Variants in CFHR3 observed in about 807,000 individuals in gnomAD.
CFHR3 encodes complement factor H related 3, also known as complement factor H-related protein 3.
A neutral mutation model predicts 36.0 loss-of-function variants in CFHR3; 22 were observed. The ratio of observed to expected loss-of-function variants is 0.61; its 90% CI spans 0.44 to 0.87. The LOEUF (loss-of-function observed/expected upper bound fraction) is 0.87, where lower values mean the gene tolerates loss of function less well. Among genes scored for constraint, CFHR3 ranks in the 40% least tolerant of loss-of-function variants. The pLI is 0.00. For missense variants in CFHR3, 276 were observed against 401.3 expected, an observed-to-expected ratio of 0.69 and a Z score of 2.67; for synonymous variants, 97 against 137.4, an observed-to-expected ratio of 0.71 and a Z score of 2.06.
intron 5 of CFHR3, among the ~76,000 whole-genome samples, chr1:196,792,937 A>C (rs539045213): frequency 7.3e-6 from 1 of 136,344 alleles, no homozygotes; most frequent in Admixed American, 7.1e-5. Flanking sequence ...GAGTGCTTGT[A>C]GTCACGGCTT....
chr1:196,787,125 A>G (rs1654237999), intron 3 of CFHR3, among the ~76,000 whole-genome samples: 1 of 137,448 alleles, frequency 7.3e-6, no homozygotes, highest in South Asian at 2.5e-4. Flanking sequence ...TTATGGAATA[A>G]TTGAGACGAA....
In CFHR3 at chr1:196,782,214, T is replaced by G. The variant is rs1429455629; in HGVS notation, c.430+2241T>G. On this transcript the variant is annotated intron_variant, in intron 3 of 5. Transcript: ENST00000367425. ...TGTTTTGGTTACTGTAGCCTTGTAG[T>G]ATAGTTTGAAGTCACGTAGTGTGAT... is the stretch of plus-strand genomic sequence containing the variant. 3.6e-5 allele frequency among the ~76,000 whole-genome samples: 5 copies of G among 137,078 alleles called. 1 individual carries two copies. In the East Asian group the frequency reaches 9.8e-4, roughly 27 times the overall value. The allele number at this position is 137,078 out of a possible 152,430, so 89.9% of individuals were successfully genotyped here.
chr1:196,791,168 C>T lies in CFHR3; in HGVS notation c.796+941C>T, dbSNP rs1484320437. ...CGAAACTTCAGCCATTTCCATAACC[C>T]ATTGCTTTTCCATTTTTACCTTATT... On this transcript the variant is annotated intron_variant, in intron 5 of 5. Transcript: ENST00000367425. 3.5e-4 allele frequency among the ~76,000 whole-genome samples: 47 copies of T among 135,794 alleles called. 8 individuals carry two copies. The highest frequency in any genetic ancestry group is 9.3e-4 in the Admixed American group (13 of 14,032). 89.1% of individuals were successfully genotyped at this position (135,794 alleles called of 152,430 possible). A position where few individuals can be genotyped will look rare whatever the true frequency, so the allele number is the denominator to read the frequency against.
At chr1:196,783,551 A>G (rs2124849907) in intron 3 of CFHR3, among the ~76,000 whole-genome samples, 1 of 130,556 alleles carries the variant, frequency 7.7e-6, no homozygotes, top group East Asian at 2.0e-4. Context: ...TGTGTCAAGG[A>G]ATTTATCCAT....
rs1573107210 is a variant in CFHR3 at position 196,778,726 on chromosome 1, T to G, written c.59-436T>G. Among the ~76,000 whole-genome samples, 2 of 136,858 alleles carry G rather than the reference T, an allele frequency of 1.5e-5. 1 individual carries two copies. Among genetic ancestry groups the G allele is most frequent in the Non-Finnish European group, 3.1e-5 (2 of 64,560 alleles). 89.8% of individuals were successfully genotyped at this position (136,858 alleles called of 152,430 possible). On this transcript the variant is annotated intron_variant, in intron 1 of 5. Transcript: ENST00000367425. The stretch of plus-strand genomic sequence containing the variant: ...TGATTTTTTTTAATGTTTAGAGTCA[T>G]ATTTCTTGTTTCTCTTTTCCAAAAA...
chr1:196,793,803 A>G lies in CFHR3; in HGVS notation c.*290A>G. On this transcript the variant is annotated 3_prime_UTR_variant, in exon 6 of 6. Transcript: ENST00000367425. The stretch of plus-strand genomic sequence containing the variant: ...GACAGACAGCTGAATGGCTTTCTGC[A>G]TATTGTATAGTATACCTAGACATAG... The G allele has an allele frequency of 1.1e-5, 3 of 277,014 alleles. 1 individual carries two copies. Among genetic ancestry groups the G allele is most frequent in the Non-Finnish European group, 2.0e-5 (3 of 150,052 alleles). The allele number at this position is 277,014 out of a possible 1,614,324, so 17.2% of individuals were successfully genotyped here.
At position 196,793,354 on chromosome 1, in the gene CFHR3, T is replaced by C. The variant is rs374420322; in HGVS notation, c.834T>C (p.Asn278=). The C allele has an allele frequency of 2.8e-5, 43 of 1,520,332 alleles. 6 individuals are homozygous for C. Among genetic ancestry groups the C allele is most frequent in the Non-Finnish European group, 3.7e-5 (42 of 1,123,946 alleles). The allele number at this position is 1,520,332 out of a possible 1,614,324, so 94.2% of individuals were successfully genotyped here. A position where few individuals can be genotyped will look rare whatever the true frequency, so the allele number is the denominator to read the frequency against. ...CIITEENMNK[N]NIKLKGRSDR... ...TAACTGAAGAAAACATGAATAAAAA[T>C]AACATAAAGTTAAAAGGAAGAAGTG... Residue 278 remains asparagine (N), a synonymous_variant, in exon 6 of 6, where the codon AAT becomes AAC. Coordinates refer to ENST00000367425, the MANE Select transcript of CFHR3 (RefSeq NM_021023.6).
intron 5 of CFHR3, among the ~76,000 whole-genome samples, chr1:196,792,336 G>A (rs1404232925): frequency 1.8e-5 from 2 of 111,494 alleles, no homozygotes; most frequent in Non-Finnish European, 3.5e-5. Flanking sequence ...CAGAATACTT[G>A]AGTCAAAAGA....
At chr1:196,790,830 T>C (rs10922120) in intron 5 of CFHR3, among the ~76,000 whole-genome samples, 31,639 of 132,920 alleles carry the variant, frequency 0.24, 7,871 homozygotes, top group East Asian at 0.42. Flanking sequence ...AAACCAAGAA[T>C]GTTCAGAGTC....
chr1:196,785,508 TG>T (rs1308123259), intron 3 of CFHR3, among the ~76,000 whole-genome samples: 1 of 135,362 alleles, frequency 7.4e-6, no homozygotes, highest in African/African-American at 3.1e-5. Context: ...CATTTCTTTT[TG>T]GTCTTTTTTC....
Position 196,788,066 on chromosome 1 carries a change from C to T in CFHR3, c.431-150C>T, listed in dbSNP as rs1314763359. The stretch of plus-strand genomic sequence containing the variant: ...AAATTCGTGGTTTCCTTTAAGAACA[C>T]GGATGTCTAGGAAACTTCCAGTTTT... On this transcript the variant is annotated intron_variant, in intron 3 of 5. Transcript: ENST00000367425. 22 of 578,358 alleles carry T rather than the reference C, an allele frequency of 3.8e-5. 2 individuals carry two copies. Among genetic ancestry groups the T allele is most frequent in the Non-Finnish European group, 4.5e-5 (17 of 381,782 alleles). 35.8% of individuals were successfully genotyped at this position (578,358 alleles called of 1,614,324 possible).
chr1:196,781,171 T>C (rs1421183758), intron 3 of CFHR3, among the ~76,000 whole-genome samples: 3 of 135,420 alleles, frequency 2.2e-5, no homozygotes, highest in African/African-American at 9.3e-5. Context: ...ATGGTGTATA[T>C]GTGCCACATT....
chr1:196,778,596 G>A (rs190026161), intron 1 of CFHR3, among the ~76,000 whole-genome samples: 1 of 135,500 alleles, frequency 7.4e-6, no homozygotes, highest in East Asian at 2.0e-4. Flanking sequence ...TATCTCATCC[G>A]ATACATGAAT....
In CFHR3 at chr1:196,787,267, G is replaced by A. The variant is rs551749979; in HGVS notation, c.431-949G>A. The stretch of plus-strand genomic sequence containing the variant: ...ATCATTAATCCACCTAATAAATATT[G>A]TTGTGTGTCAAGCACTTTGTAGGTA... On this transcript the variant is annotated intron_variant, in intron 3 of 5. Transcript: ENST00000367425. Among the ~76,000 whole-genome samples, 45 of 137,040 alleles carry A rather than the reference G, an allele frequency of 3.3e-4. 10 individuals are homozygous for A. Among genetic ancestry groups the A allele is most frequent in the Non-Finnish European group, 6.2e-4 (40 of 64,632 alleles). 89.9% of individuals were successfully genotyped at this position (137,040 alleles called of 152,430 possible).
intron 3 of CFHR3, among the ~76,000 whole-genome samples, chr1:196,786,943 C>T (rs1382312625): frequency 7.3e-6 from 1 of 137,712 alleles, no homozygotes; most frequent in East Asian, 2.0e-4. Flanking sequence ...ATTTGGCCAT[C>T]TTGGCTGCCC....
Position 196,777,299 on chromosome 1 carries a change from TTG to T in CFHR3, c.59-1861_59-1860del, listed in dbSNP as rs1265765999. ...TTTAATCATGAATATCCTTTCAGAA[TTG>T]TATAAACTTTATATTCATCTACTAG... On this transcript the variant is annotated intron_variant, in intron 1 of 5. Coordinates refer to ENST00000367425, the MANE Select transcript of CFHR3 (RefSeq NM_021023.6). Among the ~76,000 whole-genome samples the T allele has an allele frequency of 1.5e-4, 21 of 137,554 alleles. 8 individuals carry two copies. Among genetic ancestry groups the T allele is most frequent in the African/African-American group, 5.4e-4 (18 of 33,136 alleles). The allele number at this position is 137,554 out of a possible 152,430, so 90.2% of individuals were successfully genotyped here.
chr1:196,777,380 C>T (rs112149348), intron 1 of CFHR3, among the ~76,000 whole-genome samples: 2,622 of 136,324 alleles, frequency 0.019, 695 homozygotes, highest in African/African-American at 0.073. Context: ...AGTAGGGTTG[C>T]CTCTAAATTC....
chr1:196,779,706 T>A, intron 2 of CFHR3, 91 bp from the exon 3 acceptor site: 1 of 1,383,846 alleles, frequency 7.2e-7, no homozygotes, highest in East Asian at 2.5e-5. Flanking sequence ...TGCGATCTTA[T>A]TTAAATATGG....
At position 196,793,520 on chromosome 1, in the gene CFHR3, A is replaced by C. The variant is rs1376852411; in HGVS notation, c.*7A>C. ...ATACCCCAGATGCGAATAAGGCAGCATTGTTACCCTAAATGTATGTCCAAC... is the reference window on the plus strand; with the variant it reads ...ATACCCCAGATGCGAATAAGGCAGCCTTGTTACCCTAAATGTATGTCCAAC... On this transcript the variant is annotated 3_prime_UTR_variant, in exon 6 of 6. Coordinates refer to ENST00000367425, the MANE Select transcript of CFHR3 (RefSeq NM_021023.6). 9.2e-6 allele frequency: 14 copies of C among 1,519,186 alleles called. 3 individuals carry two copies. The highest frequency in any genetic ancestry group is 2.7e-6 in the Non-Finnish European group (3 of 1,123,134). The allele number at this position is 1,519,186 out of a possible 1,614,324, so 94.1% of individuals were successfully genotyped here.
Sources: allele counts gnomAD v4.1 joint callset (sites outside exome capture counted in the v4.1 genomes callset), GRCh38; gene constraint gnomAD v4.1.1; transcripts MANE v1.5; gene names NCBI Gene and HGNC (gene_info 2026-07-23, HGNC 2026-07-21).